Variants in COBL observed in about 807,000 individuals in gnomAD.
COBL encodes cordon-bleu WH2 repeat protein.
Under a neutral mutation model 98.8 loss-of-function variants are expected in COBL, and 51 were observed. The observed-to-expected ratio is 0.52, with a 90% confidence interval of 0.41 to 0.65. The LOEUF is 0.65. COBL is among the 30% of genes least tolerant of loss of function. The probability of loss-of-function intolerance (pLI) is 0.00; values close to 1 mark genes in which losing one functional copy is unlikely to be tolerated. For synonymous variants in COBL, 634 were observed against 651.7 expected, an observed-to-expected ratio of 0.97 and a Z score of 0.41; for missense variants, 1,617 against 1,617.5, an observed-to-expected ratio of 1.00 and a Z score of 0.01.
At chr7:51,029,617 A>C (rs1787959865) in intron 9 of COBL, 26 bp from the exon 10 acceptor site, 2 of 1,554,712 alleles carry the variant, frequency 1.3e-6, no homozygotes, top group Non-Finnish European at 1.7e-6. Flanking sequence ...AACACAAATC[A>C]CAGATGTTTC....
intron 6 of COBL, 50 bp from the exon 7 acceptor site, chr7:51,085,354 A>G: frequency 2.1e-6 from 1 of 481,402 alleles, no homozygotes; most frequent in Non-Finnish European, 2.7e-6. Context: ...TGTACCTATG[A>G]AGTACAAAGA....
At chr7:51,061,477 T>C (rs1791354151) in intron 7 of COBL, among the ~76,000 whole-genome samples, 1 of 152,054 alleles carries the variant, frequency 6.6e-6, no homozygotes, top group Non-Finnish European at 1.5e-5. Context: ...GTCATGCCAG[T>C]TGGAATTGTG....
chr7:51,121,749 AT>A (rs775535965), intron 6 of COBL, among the ~76,000 whole-genome samples: 1 of 152,214 alleles, frequency 6.6e-6, no homozygotes, highest in Non-Finnish European at 1.5e-5. Context: ...CCTGATTTAT[AT>A]TTGAAAACCC....
chr7:51,070,159 G>C (rs17799219), intron 7 of COBL, among the ~76,000 whole-genome samples: 5 of 151,922 alleles, frequency 3.3e-5, no homozygotes, highest in Admixed American at 6.6e-5. Flanking sequence ...GGAGTTATTC[G>C]GCAAAAGGGT....
At chr7:51,278,520 A>C (rs1296539458) in intron 1 of COBL, among the ~76,000 whole-genome samples, 1 of 151,518 alleles carries the variant, frequency 6.6e-6, no homozygotes, top group Admixed American at 6.6e-5. Flanking sequence ...AGCTGGGATT[A>C]CAGGCGTGTG....
At chr7:51,056,829 A>ACACACG (rs1450081238) in intron 7 of COBL, among the ~76,000 whole-genome samples, 1 of 150,548 alleles carries the variant, frequency 6.6e-6, no homozygotes, top group African/African-American at 2.5e-5. Context: ...ACACACACAC[A>ACACACG]CACACACACA....
chr7:51,275,539 T>C (rs1799221978), intron 1 of COBL, among the ~76,000 whole-genome samples: 1 of 151,956 alleles, frequency 6.6e-6, no homozygotes, highest in Admixed American at 6.6e-5. Flanking sequence ...CTGGGGGGAA[T>C]TCTCCCCTGG....
At position 51,229,831 on chromosome 7, in the gene COBL, C is replaced by T. The variant is rs189306801; in HGVS notation, c.42-9887G>A. On this transcript the variant is annotated intron_variant, in intron 1 of 12. Transcript: ENST00000265136. ...TTGTCCCAGGACTACAAAGACACGG[C>T]CAAACTGCTCAATATGTGCAGATGG... 1.5e-3 allele frequency among the ~76,000 whole-genome samples: 229 copies of T among 152,266 alleles called. 1 individual carries two copies. Among genetic ancestry groups the T allele is most frequent in the Non-Finnish European group, 2.5e-3 (171 of 68,032 alleles).
At chr7:51,092,542 T>A (rs1794909502) in intron 6 of COBL, among the ~76,000 whole-genome samples, 1 of 152,208 alleles carries the variant, frequency 6.6e-6, no homozygotes, top group South Asian at 2.1e-4. Flanking sequence ...GAGACTGTTC[T>A]TTCCCCATTG....
chr7:51,195,096 C>T lies in COBL; in HGVS notation c.246-1507G>A, dbSNP rs112949084. On this transcript the variant is annotated intron_variant, in intron 2 of 12. Coordinates refer to ENST00000265136, the MANE Select transcript of COBL (RefSeq NM_015198.5). ...CTTCGTCATAAAATTTTGACTGTTC[C>T]TATGTCCAGAATGGTATTGCCTAGG... is the stretch of plus-strand genomic sequence containing the variant. 9.2e-3 allele frequency among the ~76,000 whole-genome samples: 1,404 copies of T among 152,212 alleles called. 18 individuals carry two copies. Among genetic ancestry groups the T allele is most frequent in the African/African-American group, 0.032 (1,324 of 41,534 alleles).
chr7:51,300,061 C>T (rs566266418), intron 1 of COBL, among the ~76,000 whole-genome samples: 4 of 152,186 alleles, frequency 2.6e-5, no homozygotes, highest in Non-Finnish European at 5.9e-5. Flanking sequence ...AGTCTATTGC[C>T]GCTGTGCCTT....
chr7:51,135,998 T>C (rs1168397338), intron 6 of COBL, among the ~76,000 whole-genome samples, 160 bp downstream of exon 6: 3 of 152,208 alleles, frequency 2.0e-5, no homozygotes, highest in Non-Finnish European at 4.4e-5. Flanking sequence ...CTTCCTGGCA[T>C]CTTGCCTTTA....
chr7:51,222,480 A>G (rs1793743513), intron 1 of COBL, among the ~76,000 whole-genome samples: 1 of 152,172 alleles, frequency 6.6e-6, no homozygotes, highest in East Asian at 1.9e-4. Context: ...CACCTTCCCA[A>G]TGTCACAGAG....
intron 7 of COBL, among the ~76,000 whole-genome samples, chr7:51,078,937 G>A (rs148298436): frequency 5.9e-5 from 9 of 152,376 alleles, no homozygotes; most frequent in African/African-American, 2.2e-4. Flanking sequence ...CTCAGAGTGA[G>A]CAAGTGAGCG....
chr7:51,136,851 G>T (rs1278628418), intron 5 of COBL, among the ~76,000 whole-genome samples: 1 of 152,188 alleles, frequency 6.6e-6, no homozygotes, highest in Non-Finnish European at 1.5e-5. Flanking sequence ...GGTATAAGCA[G>T]TATGCTGTGA....
chr7:51,209,108 G>A (rs1792148649), intron 2 of COBL, among the ~76,000 whole-genome samples: 1 of 149,422 alleles, frequency 6.7e-6, no homozygotes, highest in African/African-American at 2.5e-5. Flanking sequence ...TCAGCCAGAG[G>A]CACTCGTTCA....
At chr7:51,024,868 G>C (rs1202631978) in intron 12 of COBL, among the ~76,000 whole-genome samples, 1 of 152,132 alleles carries the variant, frequency 6.6e-6, no homozygotes, top group African/African-American at 2.4e-5. Context: ...CATCACCAAG[G>C]AGCTGAGGAC....
rs186565417 is a variant in COBL at position 51,274,974 on chromosome 7, G to A, written c.41+41619C>T. Among the ~76,000 whole-genome samples the A allele has an allele frequency of 1.7e-3, 254 of 152,312 alleles. 1 individual carries two copies. Among genetic ancestry groups the A allele is most frequent in the South Asian group, 3.7e-3 (18 of 4,828 alleles). Reference sequence around the variant, plus strand: ...GGCTTTGTCTGAAGTGGGAAACACCGATATTAACAAATTAAAATACAAATC... The same window carrying A: ...GGCTTTGTCTGAAGTGGGAAACACCAATATTAACAAATTAAAATACAAATC... On this transcript the variant is annotated intron_variant, in intron 1 of 12. Transcript: ENST00000265136.
chr7:51,065,582 G>A (rs2128916452), intron 7 of COBL: 1 of 603,928 alleles, frequency 1.7e-6, no homozygotes, highest in African/African-American at 1.8e-5. Flanking sequence ...TTGCCAGAAA[G>A]GTGGCAGGGC....
Sources: allele counts gnomAD v4.1 joint callset (sites outside exome capture counted in the v4.1 genomes callset), GRCh38; gene constraint gnomAD v4.1.1; transcripts MANE v1.5; gene names NCBI Gene and HGNC (gene_info 2026-07-23, HGNC 2026-07-21).